The following VGLL4 variants were observed in gnomAD, a reference collection of about 807,000 sequenced individuals.
VGLL4 encodes the protein transcription cofactor vestigial-like protein 4.
Under a neutral mutation model 21.0 loss-of-function variants are expected in VGLL4, and 7 were observed. That is an observed-to-expected ratio of 0.33 (90% confidence interval 0.19 to 0.63). VGLL4 has a LOEUF of 0.63. Among genes scored for constraint, VGLL4 ranks in the 20% least tolerant of loss-of-function variants. The pLI is 0.78. For missense variants in VGLL4, 394 were observed against 425.7 expected (o/e 0.93, Z 0.66); for synonymous variants, 222 against 173.2 (o/e 1.28, Z -2.21).
chr3:11,651,275 G>T (rs1352515331), intron 2 of VGLL4, among the ~76,000 whole-genome samples: 5 of 151,182 alleles, frequency 3.3e-5, no homozygotes, highest in African/African-American at 9.7e-5. Context: ...CCCAGGAGGC[G>T]GAGGTTGTAT....
chr3:11,562,371 A>T (rs965259677), intron 3 of VGLL4, among the ~76,000 whole-genome samples: 1 of 151,966 alleles, frequency 6.6e-6, no homozygotes, highest in Non-Finnish European at 1.5e-5. Flanking sequence ...GTTCCCAGAG[A>T]TCTGAGACAC....
intron 2 of VGLL4, among the ~76,000 whole-genome samples, chr3:11,657,490 G>C (rs761075618): frequency 4.0e-5 from 6 of 149,876 alleles, no homozygotes; most frequent in Non-Finnish European, 8.9e-5. Context: ...TTTCCTGCTG[G>C]TATGAATTAA....
intron 2 of VGLL4, among the ~76,000 whole-genome samples, chr3:11,674,757 T>C (rs2076266898): frequency 6.6e-6 from 1 of 152,118 alleles, no homozygotes. Flanking sequence ...TGTTATGCTG[T>C]TCTGTATTTA....
At chr3:11,616,005 G>T (rs1192258773) in intron 1 of VGLL4, among the ~76,000 whole-genome samples, 2 of 152,046 alleles carry the variant, frequency 1.3e-5, no homozygotes, top group Non-Finnish European at 2.9e-5. Context: ...GTCTTCGAAC[G>T]TGGCCACCCT....
At chr3:11,687,850 C>T (rs193100209) in intron 2 of VGLL4, among the ~76,000 whole-genome samples, 5 of 152,148 alleles carry the variant, frequency 3.3e-5, no homozygotes, top group African/African-American at 4.8e-5. Flanking sequence ...CTAGCTAGAA[C>T]GTCAAGTTCA....
At chr3:11,718,907 G>A (rs549708270) in intron 1 of VGLL4, among the ~76,000 whole-genome samples, 47 of 152,186 alleles carry the variant, frequency 3.1e-4, no homozygotes, top group African/African-American at 1.1e-3. Context: ...TTAAACAGAC[G>A]AACACATGCC....
intron 2 of VGLL4, among the ~76,000 whole-genome samples, chr3:11,667,460 C>T (rs2076142775): frequency 6.6e-6 from 1 of 152,220 alleles, no homozygotes; most frequent in African/African-American, 2.4e-5. Context: ...TACATATTGA[C>T]ATATAGTATA....
At chr3:11,597,905 A>G (rs980355799) in intron 2 of VGLL4, among the ~76,000 whole-genome samples, 3 of 152,240 alleles carry the variant, frequency 2.0e-5, no homozygotes, top group Non-Finnish European at 2.9e-5. Context: ...CCAGGTCCTA[A>G]GAGGCTGGAA....
At position 11,673,909 on chromosome 3, in the gene VGLL4, G is replaced by A. The variant is rs1443365417; in HGVS notation, c.64+29062C>T. 2.0e-5 allele frequency among the ~76,000 whole-genome samples: 3 copies of A among 151,122 alleles called. No individual in the cohort carries two copies. The Admixed American group carries it at 2.0e-4, about 10-fold the overall frequency. On this transcript the variant is annotated intron_variant, in intron 2 of 5. Transcript: ENST00000273038. ...CGCCTATAATCCCAGCAACTCAGGA[G>A]GCTGAGGCAGGAGAATCACTTGAAC... is the stretch of plus-strand genomic sequence containing the variant.
At chr3:11,669,776 C>T (rs532099122) in intron 2 of VGLL4, among the ~76,000 whole-genome samples, 1 of 152,048 alleles carries the variant, frequency 6.6e-6, no homozygotes, top group African/African-American at 2.4e-5. Flanking sequence ...ACCTCCTGGT[C>T]CCAAGAAATC....
At chr3:11,671,986 G>A (rs1020014626) in intron 2 of VGLL4, among the ~76,000 whole-genome samples, 7 of 152,066 alleles carry the variant, frequency 4.6e-5, no homozygotes, top group East Asian at 3.8e-4. Flanking sequence ...AGCTGTCAAC[G>A]CTCTGCTGCT....
At chr3:11,590,688 G>A (rs917663278) in intron 2 of VGLL4, among the ~76,000 whole-genome samples, 1 of 151,798 alleles carries the variant, frequency 6.6e-6, no homozygotes, top group Non-Finnish European at 1.5e-5. Flanking sequence ...GTGTGTGTGT[G>A]TGTGTGTGTG....
chr3:11,568,467 TCCAGGC>T lies in VGLL4; in HGVS notation c.273-3454_273-3449del. On this transcript the variant is annotated intron_variant, in intron 2 of 4. Coordinates refer to ENST00000430365, the MANE Select transcript of VGLL4 (RefSeq NM_001128219.3). The surrounding 1 kb of genome is among the most constrained non-coding windows in gnomAD (Gnocchi z 5.9). ...GCAGGGCAGCAGGGAGAAGGGGACT[TCCAGGC>T]CCACTAACTGGAAAGACAGTCCGTG... 1 of 1,241,238 alleles carries T rather than the reference TCCAGGC, an allele frequency of 8.1e-7. No homozygotes were observed. The highest frequency in any genetic ancestry group is 1.1e-6 in the Non-Finnish European group (1 of 878,430). 76.9% of individuals were successfully genotyped at this position (1,241,238 alleles called of 1,614,324 possible). A position where few individuals can be genotyped will look rare whatever the true frequency, so the allele number is the denominator to read the frequency against.
chr3:11,647,487 G>T (rs567039999), upstream of VGLL4, among the ~76,000 whole-genome samples: 1 of 152,004 alleles, frequency 6.6e-6, no homozygotes, highest in Admixed American at 6.6e-5. Flanking sequence ...TTGGATTTCG[G>T]ACCTTCTTGG....
At chr3:11,618,677 A>G (rs2075209870) in intron 1 of VGLL4, among the ~76,000 whole-genome samples, 1 of 152,236 alleles carries the variant, frequency 6.6e-6, no homozygotes. Context: ...AAAAGAGACT[A>G]TTAAATAATA....
chr3:11,642,817 G>A (rs1459864866), intron 1 of VGLL4, among the ~76,000 whole-genome samples: 2 of 152,300 alleles, frequency 1.3e-5, no homozygotes, highest in South Asian at 2.1e-4. Flanking sequence ...CCCACAGGGA[G>A]CGGAGCGCGA....
chr3:11,568,614 T>G lies in VGLL4; in HGVS notation c.273-3595A>C. 1 of 1,569,536 alleles carries G rather than the reference T, an allele frequency of 6.4e-7. No individual in the cohort carries two copies. Among genetic ancestry groups the G allele is most frequent in the Non-Finnish European group, 8.7e-7 (1 of 1,155,542 alleles). ...ATTATACATTACTCACATTTCCAGC[T>G]CATTTTCCTGGTTCCCGGAGCTTCA... On this transcript the variant is annotated intron_variant, in intron 2 of 4. Coordinates refer to ENST00000430365, the MANE Select transcript of VGLL4 (RefSeq NM_001128219.3). The surrounding 1 kb of genome is among the most constrained non-coding windows in gnomAD (Gnocchi z 5.9).
Position 11,568,285 on chromosome 3 carries a change from G to A in VGLL4, c.273-3266C>T, listed in dbSNP as rs946094087. Among the ~76,000 whole-genome samples the A allele has an allele frequency of 6.6e-6, 1 of 152,228 alleles. No individual in the cohort carries two copies. The highest frequency in any genetic ancestry group is 1.5e-5 in the Non-Finnish European group (1 of 68,038). Reference sequence around the variant, plus strand: ...ACGGCACAGTCACGCAGATGACTCAGCTGCGCCTTAGGAAATCCAAGCATG... The same window carrying A: ...ACGGCACAGTCACGCAGATGACTCAACTGCGCCTTAGGAAATCCAAGCATG... On this transcript the variant is annotated intron_variant, in intron 2 of 4. Transcript: ENST00000430365. This position sits in a 1 kb window ranked among gnomAD's most constrained non-coding sequence, Gnocchi z 5.9.
intron 2 of VGLL4, chr3:11,702,745 C>CAAAAAAAAAAAA (rs372702459): frequency 5.5e-6 from 1 of 182,422 alleles, no homozygotes; most frequent in African/African-American, 2.7e-5. Flanking sequence ...AAAAAAAAAA[C>CAAAAAAAAAAAA]AAAAAAAAAA....
Sources: allele counts gnomAD v4.1 joint callset (sites outside exome capture counted in the v4.1 genomes callset), GRCh38; gene constraint gnomAD v4.1.1; non-coding constraint Gnocchi (gnomAD v3.1); transcripts MANE v1.5; gene names NCBI Gene and HGNC (gene_info 2026-07-23, HGNC 2026-07-21).